The following PHF20 variants were observed in gnomAD, a reference collection of about 807,000 sequenced individuals.
The protein encoded by PHF20 is glioma-expressed antigen 2.
A neutral mutation model predicts 113.5 loss-of-function variants in PHF20; 23 were observed. That is an observed-to-expected ratio of 0.20 (90% CI 0.15 to 0.29). PHF20 has a LOEUF of 0.29. PHF20 is among the 10% of genes least tolerant of loss of function. The pLI, the probability that PHF20 is intolerant of heterozygous loss-of-function variation, is 1.00. For synonymous variants in PHF20, 434 were observed against 457.3 expected (o/e 0.95, Z 0.65); for missense variants, 943 against 1,219.6 (o/e 0.77, Z 3.38).
intron 2 of PHF20, among the ~76,000 whole-genome samples, chr20:35,810,574 A>C (rs1341160299): frequency 6.6e-6 from 1 of 152,188 alleles, no homozygotes; most frequent in African/African-American, 2.4e-5. Context: ...TTTAGCAGTA[A>C]GAAAAAGGAG....
intron 1 of PHF20, among the ~76,000 whole-genome samples, chr20:35,783,230 A>G (rs1044256349): frequency 5.9e-5 from 9 of 152,046 alleles, no homozygotes; most frequent in African/African-American, 1.7e-4. Context: ...AAAAGAAAAC[A>G]TAGTTTATAG....
chr20:35,853,856 G>C (rs1270770332), intron 4 of PHF20, among the ~76,000 whole-genome samples: 1 of 151,810 alleles, frequency 6.6e-6, no homozygotes, highest in Admixed American at 6.6e-5. Flanking sequence ...CCAGGTTCGA[G>C]TGATTCTTCT....
At chr20:35,943,609 CTTTA>C (rs746118909) in intron 17 of PHF20, among the ~76,000 whole-genome samples, 6 of 148,804 alleles carry the variant, frequency 4.0e-5, no homozygotes, top group South Asian at 2.1e-4. Flanking sequence ...ATGAATAGTA[CTTTA>C]TTTATTTATT....
intron 2 of PHF20, among the ~76,000 whole-genome samples, chr20:35,820,028 C>T (rs2042140838): frequency 6.6e-6 from 1 of 152,094 alleles, no homozygotes; most frequent in Non-Finnish European, 1.5e-5. Context: ...TTAAGTTTTC[C>T]AGTGCTATGT....
intron 1 of PHF20, among the ~76,000 whole-genome samples, chr20:35,777,693 G>A (rs532322591): frequency 6.6e-6 from 1 of 152,288 alleles, no homozygotes; most frequent in Non-Finnish European, 1.5e-5. Flanking sequence ...GCATGGTGGT[G>A]CGTGCTTGTA....
At chr20:35,867,002 T>C (rs1315956985) in intron 6 of PHF20, among the ~76,000 whole-genome samples, 1 of 152,176 alleles carries the variant, frequency 6.6e-6, no homozygotes, top group African/African-American at 2.4e-5. Flanking sequence ...GAATATGAAT[T>C]GTTAACAAGC....
chr20:35,904,688 G>A (rs568531468), intron 10 of PHF20, among the ~76,000 whole-genome samples: 43 of 152,120 alleles, frequency 2.8e-4, no homozygotes, highest in African/African-American at 9.4e-4. Context: ...CTGAGAGTCC[G>A]TAGACTGATC....
intron 3 of PHF20, among the ~76,000 whole-genome samples, chr20:35,844,861 A>C (rs1429598108): frequency 4.6e-5 from 7 of 152,150 alleles, no homozygotes; most frequent in Non-Finnish European, 2.9e-5. Flanking sequence ...AATAAGCTTA[A>C]ATTTAATAAG....
intron 1 of PHF20, among the ~76,000 whole-genome samples, chr20:35,793,087 G>A (rs967720814): frequency 6.6e-6 from 1 of 152,076 alleles, no homozygotes; most frequent in African/African-American, 2.4e-5. Context: ...TCACTGGACC[G>A]GCTAAAATTG....
At chr20:35,861,394 G>A (rs766779971) in intron 5 of PHF20, among the ~76,000 whole-genome samples, 9 of 152,000 alleles carry the variant, frequency 5.9e-5, no homozygotes, top group Non-Finnish European at 1.0e-4. Flanking sequence ...TTAAACGTAC[G>A]TGTGTGTATT....
At chr20:35,917,919 C>G (rs752524825) in intron 13 of PHF20, among the ~76,000 whole-genome samples, 14 of 152,098 alleles carry the variant, frequency 9.2e-5, no homozygotes, top group Admixed American at 2.0e-4. Context: ...AGCTGGGACC[C>G]GCAAATGGGA....
chr20:35,774,307 G>A (rs933371325), intron 1 of PHF20, among the ~76,000 whole-genome samples: 2 of 151,974 alleles, frequency 1.3e-5, no homozygotes, highest in Non-Finnish European at 2.9e-5. Flanking sequence ...TCCTGACCTC[G>A]TGATCCACCC....
intron 2 of PHF20, among the ~76,000 whole-genome samples, chr20:35,816,323 T>C (rs894277865): frequency 4.6e-5 from 7 of 152,196 alleles, no homozygotes; most frequent in African/African-American, 1.7e-4. Flanking sequence ...GAAATAGTTT[T>C]AAAGTTACAA....
intron 13 of PHF20, among the ~76,000 whole-genome samples, chr20:35,925,697 A>ATTT (rs373749838): frequency 7.1e-6 from 1 of 140,592 alleles, no homozygotes. Flanking sequence ...TAGTATTTAC[A>ATTT]TTTTTTTTTT....
intron 10 of PHF20, among the ~76,000 whole-genome samples, chr20:35,903,073 C>CTTT (rs1600906730): frequency 2.4e-5 from 2 of 82,364 alleles, no homozygotes; most frequent in African/African-American, 8.0e-5. Context: ...CTTTCCTATC[C>CTTT]TTTCTTTTTT....
chr20:35,832,256 C>T (rs6058330), intron 2 of PHF20, among the ~76,000 whole-genome samples: 1 of 152,196 alleles, frequency 6.6e-6, no homozygotes, highest in Non-Finnish European at 1.5e-5. Context: ...ACTCGATCCC[C>T]TTCCTCTCCC....
chr20:35,844,598 A>G (rs1453869763), intron 3 of PHF20, among the ~76,000 whole-genome samples: 1 of 148,458 alleles, frequency 6.7e-6, no homozygotes, highest in South Asian at 2.1e-4. Flanking sequence ...CACAGGCTGA[A>G]ACAATAAAAT....
intron 17 of PHF20, 34 bp from the exon 18 acceptor site, chr20:35,947,451 T>C (rs6088971): frequency 0.2 from 313,103 of 1,599,876 alleles, 35,667 homozygotes; most frequent in African/African-American, 0.45. Context: ...GTGTTGGGAG[T>C]TCACTAGGTC....
chr20:35,780,244 G>C (rs1388152418), intron 1 of PHF20, among the ~76,000 whole-genome samples: 1 of 31,574 alleles, frequency 3.2e-5, no homozygotes, highest in Non-Finnish European at 6.4e-5. Context: ...TTTTTTTTTT[G>C]GGACGGAGTC....
Sources: allele counts gnomAD v4.1 joint callset (sites outside exome capture counted in the v4.1 genomes callset), GRCh38; gene constraint gnomAD v4.1.1; transcripts MANE v1.5; gene names NCBI Gene and HGNC (gene_info 2026-07-23, HGNC 2026-07-21).